The following ALDH1L1 variants were observed in gnomAD, a reference collection of about 807,000 sequenced individuals.
ALDH1L1 encodes cytosolic 10-formyltetrahydrofolate dehydrogenase.
A neutral mutation model predicts 101.1 loss-of-function variants in ALDH1L1; 68 were observed. The observed-to-expected ratio is 0.67, with a 90% CI of 0.55 to 0.82. The LOEUF (loss-of-function observed/expected upper bound fraction) is 0.82. ALDH1L1 is among the 40% of genes least tolerant of loss of function. The pLI, the probability that ALDH1L1 is intolerant of heterozygous loss-of-function variation, is 0.00. For missense variants in ALDH1L1, 1,087 were observed against 1,172.7 expected (o/e 0.93, Z 1.07); for synonymous variants, 486 against 470.8 (o/e 1.03, Z -0.42).
intron 9 of ALDH1L1, among the ~76,000 whole-genome samples, chr3:126,145,422 GA>G (rs1335207370): frequency 1.9e-4 from 29 of 152,340 alleles, no homozygotes; most frequent in African/African-American, 6.7e-4. Context: ...CAACAGCCAA[GA>G]TGTGGAAACA....
At chr3:126,141,977 T>C (rs939620527) in intron 9 of ALDH1L1, among the ~76,000 whole-genome samples, 1 of 151,858 alleles carries the variant, frequency 6.6e-6, no homozygotes, top group Non-Finnish European at 1.5e-5. Flanking sequence ...AAACAAAAAG[T>C]GAAGGCTCAA....
chr3:126,194,572 G>T (rs1050475917), intron 1 of ALDH1L1, among the ~76,000 whole-genome samples: 2 of 152,110 alleles, frequency 1.3e-5, no homozygotes, highest in African/African-American at 4.8e-5. Context: ...AAAACCATTT[G>T]TGCTTTTATT....
rs1945757832 is a variant in ALDH1L1 at position 126,103,734 on chromosome 3, G to T, written c.*57C>A. 5.0e-6 allele frequency: 8 copies of T among 1,588,396 alleles called. No individual in the cohort carries two copies. Among genetic ancestry groups the T allele is most frequent in the Middle Eastern group, 1.7e-4 (1 of 6,024 alleles). ...GTGCTGTGCACCCAGGCTCAAGAGGGAGGGGGCCCCAGCCACGAGGGAGGG... is the reference window on the plus strand; with the variant it reads ...GTGCTGTGCACCCAGGCTCAAGAGGTAGGGGGCCCCAGCCACGAGGGAGGG... On this transcript the variant is annotated 3_prime_UTR_variant, in exon 23 of 23. Transcript: ENST00000393434.
At chr3:126,109,910 T>G (rs146931112) in intron 20 of ALDH1L1, 34 bp downstream of exon 20, 1 of 1,608,954 alleles carries the variant, frequency 6.2e-7, no homozygotes, top group Non-Finnish European at 8.5e-7. Flanking sequence ...GCTGCCTCAA[T>G]TGACCCAAGC....
chr3:126,144,964 T>C (rs1322326895), intron 9 of ALDH1L1, among the ~76,000 whole-genome samples: 1 of 151,900 alleles, frequency 6.6e-6, no homozygotes, highest in African/African-American at 2.4e-5. Context: ...ATATAAGGAG[T>C]TCCTACAACT....
intron 1 of ALDH1L1, chr3:126,179,722 C>G (rs2081435235): frequency 6.6e-6 from 1 of 152,248 alleles, no homozygotes. Context: ...CACCTGACAC[C>G]AGAGCCCATG....
In ALDH1L1 at chr3:126,162,100, T is replaced by C. The variant is rs78015359; in HGVS notation, c.-23-1098A>G. ...TGATATGTGGATGACCTCTAGTTCA[T>C]TTATTCATTCTATTGTTAATGGAAT... On this transcript the variant is annotated intron_variant, in intron 1 of 22. Coordinates refer to ENST00000393434, the MANE Select transcript of ALDH1L1 (RefSeq NM_012190.4). Among the ~76,000 whole-genome samples the C allele has an allele frequency of 2.3e-3, 345 of 152,326 alleles. 2 individuals carry two copies. Among genetic ancestry groups the C allele is most frequent in the African/African-American group, 8.1e-3 (337 of 41,560 alleles).
At chr3:126,159,860 C>G (rs2081004644) in intron 2 of ALDH1L1, among the ~76,000 whole-genome samples, 1 of 152,146 alleles carries the variant, frequency 6.6e-6, no homozygotes, top group Non-Finnish European at 1.5e-5. Flanking sequence ...GGAGTTGATT[C>G]TAGGGCCAGG....
At chr3:126,169,823 C>T (rs1480226070) in intron 1 of ALDH1L1, among the ~76,000 whole-genome samples, 1 of 148,576 alleles carries the variant, frequency 6.7e-6, no homozygotes, top group Admixed American at 6.8e-5. Context: ...GCAAATCAGT[C>T]CTATCATAAA....
At chr3:126,141,072 C>T (rs1168424611) in intron 9 of ALDH1L1, among the ~76,000 whole-genome samples, 1 of 151,792 alleles carries the variant, frequency 6.6e-6, no homozygotes, top group Non-Finnish European at 1.5e-5. Context: ...TATAATGATA[C>T]AAAAGAGCTG....
chr3:126,148,304 A>G (rs1256195760), intron 8 of ALDH1L1, among the ~76,000 whole-genome samples: 1 of 152,208 alleles, frequency 6.6e-6, no homozygotes, highest in Non-Finnish European at 1.5e-5. Context: ...GTCAGCAAAC[A>G]CAACGTTTCT....
rs531804738 is a variant in ALDH1L1 at position 126,112,304 on chromosome 3, C to A, written c.2181+478G>T. 2.5e-4 allele frequency among the ~76,000 whole-genome samples: 38 copies of A among 152,300 alleles called. 1 individual carries two copies. The South Asian group carries it at 5.8e-3, about 23-fold the overall frequency. Reference sequence around the variant, plus strand: ...GGCCCACAGCCAAGCCTACCTGCCACAGGGGCCCACAGCCTGGCCACTTGG... The same window carrying A: ...GGCCCACAGCCAAGCCTACCTGCCAAAGGGGCCCACAGCCTGGCCACTTGG... On this transcript the variant is annotated intron_variant, in intron 19 of 22. Transcript: ENST00000393434.
At chr3:126,130,102 T>C (rs2365002) in intron 14 of ALDH1L1, 121 bp downstream of exon 14, 575,381 of 896,246 alleles carry the variant, frequency 0.64, 185,723 homozygotes, top group Middle Eastern at 0.67. Context: ...AAGAAGCACA[T>C]GGATGGCTGT....
chr3:126,161,473 G>A (rs2081049450), intron 1 of ALDH1L1, among the ~76,000 whole-genome samples: 1 of 152,192 alleles, frequency 6.6e-6, no homozygotes. Flanking sequence ...GGAGCAAGGG[G>A]AGTCCCCGCC....
chr3:126,129,519 G>A lies in ALDH1L1; in HGVS notation c.1694+704C>T, dbSNP rs114217438. 1,339 of 152,522 alleles carry A rather than the reference G, an allele frequency of 8.8e-3. 12 individuals are homozygous for A. Among genetic ancestry groups the A allele is most frequent in the African/African-American group, 0.031 (1,281 of 41,574 alleles). 9.4% of individuals were successfully genotyped at this position (152,522 alleles called of 1,614,324 possible). ...GGGCTCTCTAGGTCCAGTTGCAGGC[G>A]CATCCTCAGTGCAGATCATGGATCA... On this transcript the variant is annotated intron_variant, in intron 14 of 22. Coordinates refer to ENST00000393434, the MANE Select transcript of ALDH1L1 (RefSeq NM_012190.4).
upstream of ALDH1L1, among the ~76,000 whole-genome samples, chr3:126,182,296 G>A (rs776648258): frequency 1.9e-4 from 29 of 151,992 alleles, no homozygotes; most frequent in African/African-American, 4.1e-4. Context: ...ACAGGCATGC[G>A]CCACCACACC....
In ALDH1L1 at chr3:126,105,776, A is replaced by G; in HGVS notation, c.2603T>C (p.Val868Ala). ...TTTGAATCCTCCGAAGGGAGCGGCC[A>G]CGTCGGTCTTGTTGTACGTGTTGAC... Reference protein sequence around the residue: ...VFVNTYNKTDVAAPFGGFKQS... With the variant: ...VFVNTYNKTDAAAPFGGFKQS... Residue 868 changes from valine to alanine, a missense_variant, in exon 22 of 23, where the codon GTG (valine) becomes GCG (alanine). Transcript: ENST00000393434. 2 of 1,614,210 alleles carry G rather than the reference A, an allele frequency of 1.2e-6. No individual in the cohort carries two copies. The highest frequency in any genetic ancestry group is 1.7e-6 in the Non-Finnish European group (2 of 1,180,050).
intron 14 of ALDH1L1, among the ~76,000 whole-genome samples, chr3:126,128,190 A>T (rs1423692123): frequency 6.6e-6 from 1 of 152,140 alleles, no homozygotes; most frequent in Admixed American, 6.5e-5. Flanking sequence ...GAGCAGTGAC[A>T]TGGTCTCTAG....
At chr3:126,195,069 A>C (rs1291399483) in intron 1 of ALDH1L1, among the ~76,000 whole-genome samples, 1 of 151,888 alleles carries the variant, frequency 6.6e-6, no homozygotes, top group African/African-American at 2.4e-5. Flanking sequence ...TTTCTGTATA[A>C]CCTTCTTTGC....
Sources: gnomAD v4.1 joint callset for allele counts (sites outside exome capture counted in the v4.1 genomes callset) on GRCh38, gnomAD v4.1.1 for gene constraint, MANE v1.5 for transcripts, NCBI Gene and HGNC (gene_info 2026-07-23, HGNC 2026-07-21) for gene names.